The following ITIH5 variants were observed in gnomAD, a reference collection of about 807,000 sequenced individuals.
ITIH5 encodes inter-alpha-trypsin inhibitor heavy chain 5, also known as inter-alpha-trypsin inhibitor heavy chain H5.
Under a neutral mutation model 77.5 loss-of-function variants are expected in ITIH5, and 65 were observed. The ratio of observed to expected loss-of-function variants is 0.84; its 90% CI spans 0.69 to 1.03. ITIH5 has a LOEUF of 1.03. Among genes scored for constraint, ITIH5 ranks in the 50% least tolerant of loss-of-function variants. ITIH5 has a pLI of 0.00. For synonymous variants in ITIH5, 525 were observed against 494.3 expected, an observed-to-expected ratio of 1.06 and a Z score of -0.82; for missense variants, 1,208 against 1,213.1, an observed-to-expected ratio of 1.00 and a Z score of 0.06.
chr10:7,564,876 G>A (rs1832108818), intron 13 of ITIH5, among the ~76,000 whole-genome samples: 2 of 143,458 alleles, frequency 1.4e-5, no homozygotes, highest in Non-Finnish European at 1.5e-5. Flanking sequence ...GACTGTATAT[G>A]TATACACACA....
intron 7 of ITIH5, among the ~76,000 whole-genome samples, chr10:7,609,803 T>C (rs1175474931): frequency 6.6e-6 from 1 of 152,162 alleles, no homozygotes; most frequent in Non-Finnish European, 1.5e-5. Context: ...AAGTGATCCA[T>C]TCGTCACTGC....
At chr10:7,602,000 G>A (rs906774951) in intron 7 of ITIH5, among the ~76,000 whole-genome samples, 1 of 152,016 alleles carries the variant, frequency 6.6e-6, no homozygotes, top group Non-Finnish European at 1.5e-5. Context: ...CTACAGGTAC[G>A]TGCCACCACG....
rs116688576 is a variant in ITIH5 at position 7,626,325 on chromosome 10, G to A, written c.653-9043C>T. Among the ~76,000 whole-genome samples, 1,370 of 152,184 alleles carry A rather than the reference G, an allele frequency of 9.0e-3. 27 individuals are homozygous for A. The highest frequency in any genetic ancestry group is 0.032 in the African/African-American group (1,312 of 41,492). The stretch of plus-strand genomic sequence containing the variant: ...CACACTCTTGGGTTGACCGTGCCAC[G>A]CTCTTGGGTTGACCGAGCCACAGCC... On this transcript the variant is annotated intron_variant, in intron 5 of 13. Coordinates refer to ENST00000397146, the MANE Select transcript of ITIH5 (RefSeq NM_030569.7).
At chr10:7,641,679 A>AGGG (rs1402573902) in intron 3 of ITIH5, among the ~76,000 whole-genome samples, 26 of 60,876 alleles carry the variant, frequency 4.3e-4, no homozygotes, top group Admixed American at 1.1e-3. Flanking sequence ...GGAGGCAGGG[A>AGGG]AGGAGGGAGG....
chr10:7,644,581 TATCACATATATATCATAC>T (rs1833954457), intron 2 of ITIH5, among the ~76,000 whole-genome samples: 1 of 139,882 alleles, frequency 7.1e-6, no homozygotes, highest in African/African-American at 2.6e-5. Flanking sequence ...ATATCACATA[TATCACATATATATCATAC>T]ATATCACATA....
At chr10:7,590,367 T>C (rs929525698) in intron 7 of ITIH5, among the ~76,000 whole-genome samples, 3 of 152,212 alleles carry the variant, frequency 2.0e-5, no homozygotes, top group Non-Finnish European at 4.4e-5. Context: ...AATACAAAAA[T>C]ATTACTCATT....
At chr10:7,652,775 A>G (rs946787510) in intron 2 of ITIH5, among the ~76,000 whole-genome samples, 11 of 152,220 alleles carry the variant, frequency 7.2e-5, no homozygotes, top group African/African-American at 2.4e-5. Flanking sequence ...AATAAATGAT[A>G]GATTCAGAGA....
chr10:7,648,780 T>C (rs1453348548), intron 2 of ITIH5, among the ~76,000 whole-genome samples: 4 of 152,174 alleles, frequency 2.6e-5, no homozygotes, highest in African/African-American at 9.7e-5. Context: ...AACTAGAAGA[T>C]ACCTGACAAT....
At chr10:7,626,538 G>A (rs1479256445) in intron 5 of ITIH5, among the ~76,000 whole-genome samples, 2 of 152,204 alleles carry the variant, frequency 1.3e-5, no homozygotes, top group East Asian at 3.8e-4. Flanking sequence ...ACAGGGTCCT[G>A]CCCTTCCAGC....
chr10:7,561,136 A>G lies in ITIH5; in HGVS notation c.*1947T>C, dbSNP rs1228799913. 1.3e-5 allele frequency: 2 copies of G among 152,256 alleles called. No individual in the cohort carries two copies. The highest frequency in any genetic ancestry group is 2.9e-5 in the Non-Finnish European group (2 of 68,048). 9.4% of individuals were successfully genotyped at this position (152,256 alleles called of 1,614,324 possible). ...TATAATTTTTAAAAATGAAAGCTCA[A>G]CTTTGTTACTTATGTTTTTCTGAGC... On this transcript the variant is annotated 3_prime_UTR_variant, in exon 14 of 14. Transcript: ENST00000397146.
chr10:7,631,814 T>A (rs1345010568), intron 5 of ITIH5, among the ~76,000 whole-genome samples: 1 of 150,662 alleles, frequency 6.6e-6, no homozygotes, highest in Admixed American at 6.6e-5. Flanking sequence ...TTAAACCAAA[T>A]CTGACTCTGT....
chr10:7,574,877 A>G (rs1208218300), intron 10 of ITIH5, among the ~76,000 whole-genome samples: 1 of 149,890 alleles, frequency 6.7e-6, no homozygotes, highest in African/African-American at 2.5e-5. Context: ...TGGCCCCCCG[A>G]GTCTTGTATG....
chr10:7,567,349 A>ATTATTATTATTATTT (rs1832209364), intron 12 of ITIH5, among the ~76,000 whole-genome samples: 2 of 148,422 alleles, frequency 1.3e-5, no homozygotes, highest in South Asian at 4.2e-4. Flanking sequence ...TATTATTATT[A>ATTATTATTATTATTT]TTATTATACT....
intron 7 of ITIH5, among the ~76,000 whole-genome samples, chr10:7,587,410 A>G (rs1832701660): frequency 6.6e-6 from 1 of 152,220 alleles, no homozygotes; most frequent in East Asian, 1.9e-4. Flanking sequence ...CTTTCATTAT[A>G]TAATGACCAT....
At chr10:7,609,934 C>T (rs553997586) in intron 7 of ITIH5, among the ~76,000 whole-genome samples, 43 of 152,218 alleles carry the variant, frequency 2.8e-4, no homozygotes, top group Middle Eastern at 6.8e-3. Flanking sequence ...CAAGGAAAAG[C>T]ATATTCTTAA....
intron 7 of ITIH5, 74 bp from the exon 8 acceptor site, chr10:7,586,143 C>T: frequency 2.3e-6 from 3 of 1,322,278 alleles, no homozygotes; most frequent in Non-Finnish European, 3.1e-6. Flanking sequence ...TAGAAACCGC[C>T]CCCGCCCCCC....
chr10:7,574,778 G>GCGA (rs1365018895), intron 10 of ITIH5, among the ~76,000 whole-genome samples: 1 of 141,218 alleles, frequency 7.1e-6, no homozygotes, highest in African/African-American at 2.7e-5. Context: ...GGGCGAAAGA[G>GCGA]CGAGACTCCA....
rs1438586168 is a variant in ITIH5 at position 7,610,682 on chromosome 10, A to T, written c.939+5300T>A. Among the ~76,000 whole-genome samples, 4 of 152,350 alleles carry T rather than the reference A, an allele frequency of 2.6e-5. No individual in the cohort carries two copies. The East Asian group carries it at 7.7e-4, about 29-fold the overall frequency. The stretch of plus-strand genomic sequence containing the variant: ...CATAACATCATATACAAGACTCTTC[A>T]AAGAGCCAGCTAAGCTTTTCACTTA... On this transcript the variant is annotated intron_variant, in intron 7 of 13. Coordinates refer to ENST00000397146, the MANE Select transcript of ITIH5 (RefSeq NM_030569.7).
chr10:7,665,797 T>G (rs1167520710), intron 1 of ITIH5, among the ~76,000 whole-genome samples: 6 of 152,218 alleles, frequency 3.9e-5, no homozygotes, highest in Non-Finnish European at 8.8e-5. Context: ...CCTGCACTTT[T>G]CCAACATCAC....
Sources: gnomAD v4.1 joint callset for allele counts (sites outside exome capture counted in the v4.1 genomes callset) on GRCh38, gnomAD v4.1.1 for gene constraint, MANE v1.5 for transcripts, NCBI Gene and HGNC (gene_info 2026-07-23, HGNC 2026-07-21) for gene names.